Variants in CACNA2D3 observed in about 807,000 individuals in gnomAD.
CACNA2D3 encodes calcium voltage-gated channel auxiliary subunit alpha2delta 3, also known as voltage-dependent calcium channel subunit alpha-2/delta-3.
Under a neutral mutation model 160.6 loss-of-function variants are expected in CACNA2D3, and 60 were observed. That is an observed-to-expected ratio of 0.37 (90% confidence interval 0.30 to 0.46). The LOEUF is 0.46. Ranked by LOEUF, CACNA2D3 falls within the 20% of genes least tolerant of loss-of-function variation. The probability of loss-of-function intolerance (pLI) is 1.00; values close to 1 mark genes in which losing one functional copy is unlikely to be tolerated. For missense variants in CACNA2D3, 1,205 were observed against 1,365.0 expected (o/e 0.88, Z 1.85); for synonymous variants, 558 against 492.9 (o/e 1.13, Z -1.75).
chr3:54,943,671 T>G (rs1701535401), intron 27 of CACNA2D3, among the ~76,000 whole-genome samples: 1 of 149,882 alleles, frequency 6.7e-6, no homozygotes, highest in African/African-American at 2.5e-5. Flanking sequence ...TCATCAGATG[T>G]CTCAAATATG....
chr3:54,176,795 T>C (rs886908584), intron 2 of CACNA2D3, among the ~76,000 whole-genome samples: 1 of 152,214 alleles, frequency 6.6e-6, no homozygotes, highest in Non-Finnish European at 1.5e-5. Flanking sequence ...TAGCAGTCCA[T>C]GGACTTTGCC....
chr3:54,559,616 G>A (rs1472084551), intron 5 of CACNA2D3, among the ~76,000 whole-genome samples: 1 of 152,014 alleles, frequency 6.6e-6, no homozygotes, highest in African/African-American at 2.4e-5. Flanking sequence ...TTAACTTCAG[G>A]GGTACATGTG....
chr3:54,572,086 G>A (rs1422920202), intron 8 of CACNA2D3, among the ~76,000 whole-genome samples: 3 of 131,202 alleles, frequency 2.3e-5, no homozygotes, highest in East Asian at 2.1e-4. Flanking sequence ...CTGCATAGGC[G>A]TGACACCCAC....
intron 14 of CACNA2D3, among the ~76,000 whole-genome samples, chr3:54,827,548 A>T (rs59456371): frequency 6.6e-6 from 1 of 152,284 alleles, no homozygotes; most frequent in South Asian, 2.1e-4. Context: ...GTTTTTTTTA[A>T]GTCCTTTTCT....
At chr3:54,817,351 G>A (rs1052450370) in intron 14 of CACNA2D3, among the ~76,000 whole-genome samples, 1 of 152,066 alleles carries the variant, frequency 6.6e-6, no homozygotes, top group Non-Finnish European at 1.5e-5. Flanking sequence ...TCATCCCAGA[G>A]ACCATTAGAG....
chr3:54,969,877 T>A, intron 29 of CACNA2D3, 33 bp downstream of exon 29: 1 of 1,589,988 alleles, frequency 6.3e-7, no homozygotes, highest in Non-Finnish European at 8.6e-7. Flanking sequence ...TTTCTACCCC[T>A]GTGGATAGAA....
At chr3:54,557,603 G>A (rs999345230) in intron 5 of CACNA2D3, among the ~76,000 whole-genome samples, 1 of 152,142 alleles carries the variant, frequency 6.6e-6, no homozygotes, top group South Asian at 2.1e-4. Context: ...TTTTTATGAC[G>A]CCGACATAAT....
chr3:54,202,577 T>G (rs938136164), intron 2 of CACNA2D3, among the ~76,000 whole-genome samples: 2 of 152,224 alleles, frequency 1.3e-5, no homozygotes, highest in African/African-American at 4.8e-5. Flanking sequence ...CTATTTACTA[T>G]GATTAATAGA....
At chr3:54,409,230 A>G (rs781724896) in intron 4 of CACNA2D3, among the ~76,000 whole-genome samples, 16 of 152,176 alleles carry the variant, frequency 1.1e-4, no homozygotes, top group Non-Finnish European at 2.2e-4. Context: ...TTCTCACAAT[A>G]TTTCAGACTT....
chr3:54,944,264 T>C (rs1701551833), intron 27 of CACNA2D3, among the ~76,000 whole-genome samples: 1 of 152,178 alleles, frequency 6.6e-6, no homozygotes, highest in Non-Finnish European at 1.5e-5. Flanking sequence ...CCTTCAGTTC[T>C]AGGAAATTTT....
chr3:54,227,039 A>G (rs1701685721), intron 2 of CACNA2D3, among the ~76,000 whole-genome samples: 1 of 152,218 alleles, frequency 6.6e-6, no homozygotes, highest in Admixed American at 6.5e-5. Context: ...TCTGAACTCA[A>G]GTTAAACACA....
chr3:54,644,181 T>C (rs1699587204), intron 11 of CACNA2D3, among the ~76,000 whole-genome samples: 1 of 152,178 alleles, frequency 6.6e-6, no homozygotes. Context: ...AATTTCAGTG[T>C]ATCTTTCCAA....
At chr3:54,378,994 T>C (rs957624700) in intron 3 of CACNA2D3, among the ~76,000 whole-genome samples, 7 of 152,264 alleles carry the variant, frequency 4.6e-5, no homozygotes, top group African/African-American at 1.7e-4. Context: ...TAATTTGTTA[T>C]TGATTGTGAT....
chr3:54,273,365 T>C (rs1702661483), intron 2 of CACNA2D3, among the ~76,000 whole-genome samples: 1 of 152,218 alleles, frequency 6.6e-6, no homozygotes, highest in East Asian at 1.9e-4. Flanking sequence ...TCTCTTTGTC[T>C]GTGTCTGTCT....
intron 3 of CACNA2D3, among the ~76,000 whole-genome samples, chr3:54,338,148 TTTATTATGGAGGTTAAA>T (rs1173207059): frequency 6.6e-6 from 1 of 152,250 alleles, no homozygotes; most frequent in East Asian, 1.9e-4. Context: ...ATGATTCTGT[TTTATTATGGAGGTTAAA>T]TTACAGCAAT....
rs73841933 is a variant in CACNA2D3 at position 54,276,722 on chromosome 3, T to A, written c.205-43720T>A. Among the ~76,000 whole-genome samples the A allele has an allele frequency of 9.5e-3, 1,439 of 151,984 alleles. 25 individuals are homozygous for A. The highest frequency in any genetic ancestry group is 0.033 in the African/African-American group (1,369 of 41,416). ...CAGAAACAGAGTGGCAGGGCTGGTA[T>A]GGGAGAGAGGATGGTAAAGAAGTTT... On this transcript the variant is annotated intron_variant, in intron 2 of 37. Coordinates refer to ENST00000474759, the MANE Select transcript of CACNA2D3 (RefSeq NM_018398.3).
intron 27 of CACNA2D3, among the ~76,000 whole-genome samples, chr3:54,941,742 G>T (rs1030584888): frequency 6.6e-6 from 1 of 152,124 alleles, no homozygotes; most frequent in South Asian, 2.1e-4. Flanking sequence ...ACGAGGGTTC[G>T]CATGGATGTC....
At chr3:54,971,791 G>A (rs1311503176) in intron 29 of CACNA2D3, among the ~76,000 whole-genome samples, 1 of 152,138 alleles carries the variant, frequency 6.6e-6, no homozygotes, top group Non-Finnish European at 1.5e-5. Flanking sequence ...TATTTACACT[G>A]ACTAGCTTCA....
intron 5 of CACNA2D3, among the ~76,000 whole-genome samples, chr3:54,515,059 A>T (rs879933649): frequency 1.3e-5 from 2 of 152,156 alleles, no homozygotes; most frequent in Non-Finnish European, 2.9e-5. Context: ...GTTTCCTGGG[A>T]CCAAGAGATT....
Sources: allele counts gnomAD v4.1 joint callset (sites outside exome capture counted in the v4.1 genomes callset), GRCh38; gene constraint gnomAD v4.1.1; transcripts MANE v1.5; gene names NCBI Gene and HGNC (gene_info 2026-07-23, HGNC 2026-07-21).